Variants in ANAPC2 observed in about 807,000 individuals in gnomAD.
ANAPC2 encodes anaphase-promoting complex subunit 2.
Under a neutral mutation model 84.3 loss-of-function variants are expected in ANAPC2, and 29 were observed. The ratio of observed to expected loss-of-function variants is 0.34; its 90% confidence interval spans 0.26 to 0.47. The LOEUF is 0.47. Ranked by LOEUF, ANAPC2 falls within the 20% of genes least tolerant of loss-of-function variation. ANAPC2 has a pLI of 1.00. For synonymous variants in ANAPC2, 571 were observed against 479.4 expected (o/e 1.19, Z -2.50); for missense variants, 857 against 1,131.7 (o/e 0.76, Z 3.48).
At position 137,188,121 on chromosome 9, in the gene ANAPC2, G is replaced by A. The variant is rs368996882; in HGVS notation, c.118-18C>T. 54 of 1,603,824 alleles carry A rather than the reference G, an allele frequency of 3.4e-5. No individual in the cohort carries two copies. In the African/African-American group the frequency reaches 5.6e-4, roughly 17 times the overall value. On this transcript the variant is annotated intron_variant, in intron 1 of 12. Coordinates refer to ENST00000323927, the MANE Select transcript of ANAPC2 (RefSeq NM_013366.4). ...GAAGACACCTGGGGTGCAGAAAACC[G>A]TGAGGCGAGGGGAACACAACATAGA...
At position 137,187,396 on chromosome 9, in the gene ANAPC2, G is replaced by A. The variant is rs1341403784; in HGVS notation, c.740+85C>T. 6.6e-6 allele frequency: 10 copies of A among 1,510,250 alleles called. No homozygotes were observed. The Admixed American group carries it at 1.8e-4, about 28-fold the overall frequency. 93.6% of individuals were successfully genotyped at this position (1,510,250 alleles called of 1,614,324 possible). On this transcript the variant is annotated intron_variant, in intron 2 of 12. Coordinates refer to ENST00000323927, the MANE Select transcript of ANAPC2 (RefSeq NM_013366.4). ...TCCTGGTTATCAGGACGGCTCACCA[G>A]CTTTCTGCTGAGGCCAGCTGGACCC...
Position 137,187,729 on chromosome 9 carries a change from G to A in ANAPC2, c.492C>T (p.Ser164=), listed in dbSNP as rs774909368. Residue 164 remains serine (S), a synonymous_variant, in exon 2 of 13, where the codon AGC becomes AGT. Transcript: ENST00000323927. ...TCATCTCTTGGAAGGTTCTGGGGGT[G>A]CTAAAGAACAAGACTCCGCGCAACA... The part of the protein sequence containing the change: ...HTMLRGVLFF[S]TPRTFQEMIQ... 1.2e-6 allele frequency: 2 copies of A among 1,613,788 alleles called. No individual in the cohort carries two copies. The highest frequency in any genetic ancestry group is 1.7e-5 in the Admixed American group (1 of 60,012).
At chr9:137,178,654 C>T (rs767564930) in intron 10 of ANAPC2, among the ~76,000 whole-genome samples, 19 of 152,164 alleles carry the variant, frequency 1.2e-4, no homozygotes, top group Non-Finnish European at 2.5e-4. Flanking sequence ...TATCACAGGC[C>T]AGAGCTCGAG....
Position 137,175,143 on chromosome 9 carries a change from C to G in ANAPC2, c.2268G>C (p.Thr756=). 1 of 1,607,620 alleles carries G rather than the reference C, an allele frequency of 6.2e-7. No homozygotes were observed. Among genetic ancestry groups the G allele is most frequent in the Non-Finnish European group, 8.5e-7 (1 of 1,177,738 alleles). The change falls in exon 13 of 13, where the codon ACG becomes ACC. Residue 756 remains threonine (T), a synonymous_variant. Transcript: ENST00000323927. The stretch of plus-strand genomic sequence containing the variant: ...GGTTGGTCAGCATGGCCTGGATGTA[C>G]GTCCAGAAGAGCTGCGGACACAGGC... ...QKEEELLLFW[T]YIQAMLTNLE...
Position 137,175,423 on chromosome 9 carries a change from C to T in ANAPC2, c.2070G>A (p.Ala690=), listed in dbSNP as rs143591300. 2,044 of 1,604,382 alleles carry T rather than the reference C, an allele frequency of 1.3e-3. 4 individuals carry two copies. Among genetic ancestry groups the T allele is most frequent in the Non-Finnish European group, 1.3e-3 (1,496 of 1,176,374 alleles). ...ACACGGACATCCGCCGCCGCAGCAG[C>T]GCCACGGGCATCTTCACCGCCTTGC... The part of the protein sequence containing the change: ...ELSKAVKMPV[A]LLRRRMSVWL... Residue 690 remains alanine (A), a synonymous_variant, in exon 12 of 13, where the codon GCG becomes GCA. Transcript: ENST00000323927.
chr9:137,185,084 T>G lies in ANAPC2; in HGVS notation c.877A>C (p.Ile293Leu). 1 of 1,541,496 alleles carries G rather than the reference T, an allele frequency of 6.5e-7. No homozygotes were observed. ...CCGAGCCAGCCGACCACCCGCTCGATCCACTGTCAGGAGAACGCTAGTGTG... is the reference window on the plus strand; with the variant it reads ...CCGAGCCAGCCGACCACCCGCTCGAGCCACTGTCAGGAGAACGCTAGTGTG... ...RSFLREFHKW[I>L]ERVVGWLGKV... The change falls in exon 4 of 13, where the codon ATC (isoleucine) becomes CTC (leucine). Residue 293 changes from isoleucine (I) to leucine (L), a missense_variant. Physicochemically the swap from Ile to Leu is conservative, Grantham distance 5. Coordinates refer to ENST00000323927, the MANE Select transcript of ANAPC2 (RefSeq NM_013366.4).
rs769623104 is a variant in ANAPC2, at chr9:137,184,988, G to A, written c.973C>T (p.Arg325Cys). The change falls in exon 4 of 13, where the codon CGC becomes TGC. Residue 325 changes from arginine (R) to cysteine (C), a missense_variant. Physicochemically the swap from Arg to Cys is radical, Grantham distance 180. Around this residue, in one of 3 missense-constraint regions of ANAPC2, gnomAD observed 428 missense variants for 513.8 expected, o/e 0.83. Coordinates refer to ENST00000323927, the MANE Select transcript of ANAPC2 (RefSeq NM_013366.4). ...TAGAAGAACCTTTGCACGTGGCAGC[G>A]CCAGCGGCGCAGGGTGTTGCCGGCC... The part of the protein sequence containing the change: ...PEAGNTLRRW[R>C]CHVQRFFYRI... The A allele has an allele frequency of 3.7e-6, 6 of 1,610,528 alleles. No homozygotes were observed. Among genetic ancestry groups the A allele is most frequent in the Admixed American group, 1.7e-5 (1 of 59,542 alleles).
In ANAPC2 at chr9:137,183,772, T is replaced by C; in HGVS notation, c.1068A>G (p.Pro356=). 1 of 1,613,270 alleles carries C rather than the reference T, an allele frequency of 6.2e-7. No individual in the cohort carries two copies. The highest frequency in any genetic ancestry group is 8.5e-7 in the Non-Finnish European group (1 of 1,179,876). ...GGCAGTACTTGAGGTCCTCGATGGC[T>C]GGCCGGGAGTCTGGGAAGTCTACAA... is the stretch of plus-strand genomic sequence containing the variant. ...SIVRDFPDSR[P]AIEDLKYCLE... is the part of the protein sequence containing the mutation. Residue 356 remains proline (P), a synonymous_variant, in exon 5 of 13, where the codon CCA becomes CCG. Coordinates refer to ENST00000323927, the MANE Select transcript of ANAPC2 (RefSeq NM_013366.4).
chr9:137,182,014 C>T, intron 6 of ANAPC2, 152 bp from the exon 7 acceptor site: 1 of 811,160 alleles, frequency 1.2e-6, no homozygotes, highest in Non-Finnish European at 1.8e-6. Context: ...ACAGGCCCGT[C>T]AGACTCCTTA....
chr9:137,186,498 A>C, intron 2 of ANAPC2, 142 bp from the exon 3 acceptor site: 51 of 1,172,282 alleles, frequency 4.4e-5, no homozygotes, highest in Non-Finnish European at 5.3e-5. Context: ...CCTCCCCACA[A>C]TCCTCAGCTG....
At chr9:137,183,880 C>T (rs906250945) in intron 4 of ANAPC2, 89 bp from the exon 5 acceptor site, 11 of 1,541,490 alleles carry the variant, frequency 7.1e-6, no homozygotes, top group Non-Finnish European at 9.7e-6. Flanking sequence ...TGGGAAAGGA[C>T]ACGTGCTTGC....
At chr9:137,180,095 G>A in intron 10 of ANAPC2, 86 bp downstream of exon 10, 2 of 1,431,956 alleles carry the variant, frequency 1.4e-6, no homozygotes, top group Non-Finnish European at 1.9e-6. Flanking sequence ...TGACAACGGG[G>A]CAGCCACAGG....
chr9:137,178,331 G>A (rs965628321), intron 10 of ANAPC2, among the ~76,000 whole-genome samples: 7 of 152,352 alleles, frequency 4.6e-5, no homozygotes, highest in Non-Finnish European at 1.0e-4. Flanking sequence ...CTGCTGGTGG[G>A]ACCTCTCAGC....
intron 3 of ANAPC2, among the ~76,000 whole-genome samples, chr9:137,185,304 TCA>T (rs1034135898): frequency 6.6e-6 from 1 of 152,202 alleles, no homozygotes; most frequent in African/African-American, 2.4e-5. Flanking sequence ...TTCGTGCCTC[TCA>T]CACGCGCCAG....
chr9:137,187,399 T>C, intron 2 of ANAPC2, 82 bp downstream of exon 2: 18 of 1,512,404 alleles, frequency 1.2e-5, no homozygotes, highest in Non-Finnish European at 1.6e-5. Context: ...CTCACCAGCT[T>C]TCTGCTGAGG....
intron 2 of ANAPC2, 198 bp downstream of exon 2, chr9:137,187,283 T>C: frequency 1.4e-6 from 1 of 691,284 alleles, no homozygotes; most frequent in South Asian, 2.1e-5. Flanking sequence ...GGCATGAATC[T>C]GTGGGACTGA....
rs201323692 is a variant in ANAPC2 at position 137,181,749 on chromosome 9, C to T, written c.1400G>A (p.Gly467Asp). 6.2e-7 allele frequency: 1 copy of T among 1,612,320 alleles called. No homozygotes were observed. The highest frequency in any genetic ancestry group is 8.5e-7 in the Non-Finnish European group (1 of 1,179,958). Residue 467 changes from glycine (G) to aspartate (D), a missense_variant, in exon 7 of 13, where the codon GGC (glycine) becomes GAC (aspartate). By Grantham distance (94) the Gly-to-Asp change is moderately conservative. Transcript: ENST00000323927. ...SKTDPASLET[G>D]QDSEDDSGEP... ...GCCTGAGTCATCCTCACTGTCCTGG[C>T]CTGTCTCCAGGCTCGCCGGGTCGGT...
In ANAPC2 at chr9:137,181,666, G is replaced by C. The variant is rs1423426271; in HGVS notation, c.1468+15C>G. 2.5e-6 allele frequency: 4 copies of C among 1,579,622 alleles called. No homozygotes were observed. In the African/African-American group the frequency reaches 5.4e-5, roughly 21 times the overall value. On this transcript the variant is annotated intron_variant, in intron 7 of 12. Transcript: ENST00000323927. ...CCCCCACACTGGTGAAAGGGACCAT[G>C]TGGGGCAAGCTAACCTGGATCGGCA...
At chr9:137,177,149 G>A (rs1256510477) in intron 10 of ANAPC2, 1 of 152,244 alleles carries the variant, frequency 6.6e-6, no homozygotes, top group Non-Finnish European at 1.5e-5. Context: ...AGCCAACAAG[G>A]TGTGAGAATT....
Sources: allele counts gnomAD v4.1 joint callset (sites outside exome capture counted in the v4.1 genomes callset), GRCh38; gene constraint gnomAD v4.1.1; regional missense constraint gnomAD v4.1.1; transcripts MANE v1.5; gene names NCBI Gene and HGNC (gene_info 2026-07-23, HGNC 2026-07-21).